The following KSR2 variants were observed in gnomAD, a reference collection of about 807,000 sequenced individuals.
KSR2 encodes kinase suppressor of ras 2.
A neutral mutation model predicts 107.8 loss-of-function variants in KSR2; 25 were observed. The ratio of observed to expected loss-of-function variants is 0.23; its 90% confidence interval spans 0.17 to 0.32. The LOEUF (loss-of-function observed/expected upper bound fraction) is 0.32, where lower values mean the gene tolerates loss of function less well. Among genes scored for constraint, KSR2 ranks in the 10% least tolerant of loss-of-function variants. KSR2 has a pLI of 1.00. For missense variants in KSR2, 887 were observed against 1,268.9 expected (o/e 0.70, Z 4.57); for synonymous variants, 480 against 507.0 (o/e 0.95, Z 0.71).
intron 9 of KSR2, among the ~76,000 whole-genome samples, chr12:117,546,335 A>G (rs1042438771): frequency 6.6e-6 from 1 of 152,126 alleles, no homozygotes; most frequent in Non-Finnish European, 1.5e-5. Flanking sequence ...ATTTGTTGTC[A>G]TTTGAATGGT....
At chr12:117,552,768 A>T (rs1280463252) in intron 9 of KSR2, among the ~76,000 whole-genome samples, 1 of 152,226 alleles carries the variant, frequency 6.6e-6, no homozygotes, top group Non-Finnish European at 1.5e-5. Context: ...CATAGCACAA[A>T]AGCAGCCACA....
intron 14 of KSR2, 42 bp from the exon 15 acceptor site, chr12:117,485,733 A>G (rs764815639): frequency 3.6e-6 from 5 of 1,385,712 alleles, no homozygotes; most frequent in Non-Finnish European, 5.1e-6. Context: ...GCAGTCGTTC[A>G]GAAGAAGGTG....
intron 18 of KSR2, 124 bp downstream of exon 18, chr12:117,471,067 T>A: frequency 8.7e-7 from 1 of 1,151,948 alleles, no homozygotes; most frequent in Non-Finnish European, 1.2e-6. Flanking sequence ...AAGGTTGGAA[T>A]GCATATTTTT....
At chr12:117,760,301 T>C (rs1888953695) in intron 4 of KSR2, among the ~76,000 whole-genome samples, 1 of 152,100 alleles carries the variant, frequency 6.6e-6, no homozygotes, top group Non-Finnish European at 1.5e-5. Flanking sequence ...CCCAAAGGGG[T>C]CCTCTGTCAA....
At chr12:117,630,649 T>C (rs1882761355) in intron 5 of KSR2, among the ~76,000 whole-genome samples, 1 of 151,918 alleles carries the variant, frequency 6.6e-6, no homozygotes, top group African/African-American at 2.4e-5. Context: ...CTGTGGGCGG[T>C]GGTGATGGTT....
At chr12:117,597,230 T>C (rs556360390) in intron 5 of KSR2, among the ~76,000 whole-genome samples, 2 of 152,304 alleles carry the variant, frequency 1.3e-5, no homozygotes, top group South Asian at 2.1e-4. Context: ...GACTGAATAA[T>C]GCCCCAGCCC....
intron 4 of KSR2, among the ~76,000 whole-genome samples, chr12:117,739,166 T>C (rs1001238408): frequency 1.2e-4 from 19 of 152,076 alleles, no homozygotes; most frequent in African/African-American, 4.6e-4. Flanking sequence ...CTATCCTGGC[T>C]GACACGGTGA....
At chr12:117,554,180 G>A (rs539532911) in intron 9 of KSR2, among the ~76,000 whole-genome samples, 13 of 152,154 alleles carry the variant, frequency 8.5e-5, no homozygotes, top group South Asian at 2.1e-4. Context: ...GCATACCCCC[G>A]GGATAGATTT....
chr12:117,791,382 C>T lies in KSR2; in HGVS notation c.473-29858G>A, dbSNP rs138296872. 1.1e-3 allele frequency among the ~76,000 whole-genome samples: 173 copies of T among 152,274 alleles called. 5 individuals are homozygous for T. In the East Asian group the frequency reaches 0.031, roughly 28 times the overall value. ...GCCCTGAGTCATTCTCTGATATTTT[C>T]CAGTTTATTCATTTACTATCTGTCT... On this transcript the variant is annotated intron_variant, in intron 3 of 19. Coordinates refer to ENST00000339824, the MANE Select transcript of KSR2 (RefSeq NM_173598.6).
At chr12:117,959,310 C>T (rs1022559001) in intron 1 of KSR2, among the ~76,000 whole-genome samples, 3 of 152,162 alleles carry the variant, frequency 2.0e-5, no homozygotes, top group Admixed American at 1.3e-4. Flanking sequence ...TCCAGTCTTA[C>T]ATTTCAAACA....
chr12:117,483,472 T>A (rs1872286075), intron 16 of KSR2, among the ~76,000 whole-genome samples: 1 of 152,048 alleles, frequency 6.6e-6, no homozygotes, highest in Non-Finnish European at 1.5e-5. Flanking sequence ...TCTGGAAAGA[T>A]GCACCATTCG....
At chr12:117,718,121 T>TA (rs1019691375) in intron 4 of KSR2, among the ~76,000 whole-genome samples, 44 of 152,310 alleles carry the variant, frequency 2.9e-4, no homozygotes, top group Middle Eastern at 3.4e-3. Flanking sequence ...TAGAAAGAGA[T>TA]AAAAAATAAT....
intron 3 of KSR2, among the ~76,000 whole-genome samples, chr12:117,811,186 C>T (rs1891178829): frequency 6.6e-6 from 1 of 152,168 alleles, no homozygotes; most frequent in African/African-American, 2.4e-5. Flanking sequence ...CTTCTGCCCT[C>T]CTGGCCCTGC....
intron 5 of KSR2, among the ~76,000 whole-genome samples, chr12:117,651,616 G>A (rs562821211): frequency 7.2e-5 from 11 of 152,302 alleles, no homozygotes; most frequent in South Asian, 6.2e-4. Flanking sequence ...TTGGTTAGCC[G>A]AAATATGGAT....
intron 3 of KSR2, among the ~76,000 whole-genome samples, chr12:117,841,728 A>C (rs369733260): frequency 6.6e-6 from 1 of 152,180 alleles, no homozygotes; most frequent in Admixed American, 6.5e-5. Flanking sequence ...GGAGTCAGAC[A>C]GAAATGAGTT....
chr12:117,919,193 GTTCTTGCCAC>G (rs1895272579), intron 1 of KSR2, among the ~76,000 whole-genome samples: 2 of 152,188 alleles, frequency 1.3e-5, no homozygotes, highest in Non-Finnish European at 2.9e-5. Flanking sequence ...AACCAGGCAT[GTTCTTGCCAC>G]TGCTTGGAAC....
chr12:117,475,450 A>G (rs1592907557), intron 17 of KSR2, among the ~76,000 whole-genome samples: 2 of 152,136 alleles, frequency 1.3e-5, no homozygotes, highest in Middle Eastern at 3.4e-3. Flanking sequence ...CTTTTTGCAC[A>G]GTCTTTTGAT....
intron 9 of KSR2, among the ~76,000 whole-genome samples, chr12:117,543,817 C>G (rs1876667051): frequency 6.6e-6 from 1 of 152,306 alleles, no homozygotes; most frequent in South Asian, 2.1e-4. Flanking sequence ...GTCTCAGGAT[C>G]CCTCTGAGAC....
chr12:117,827,394 A>C (rs1313233645), intron 3 of KSR2, among the ~76,000 whole-genome samples: 1 of 152,226 alleles, frequency 6.6e-6, no homozygotes, highest in Non-Finnish European at 1.5e-5. Context: ...CTGGGATGGA[A>C]GTTAAGATCT....
Sources: allele counts gnomAD v4.1 joint callset (sites outside exome capture counted in the v4.1 genomes callset), GRCh38; gene constraint gnomAD v4.1.1; transcripts MANE v1.5; gene names NCBI Gene and HGNC (gene_info 2026-07-23, HGNC 2026-07-21).